CNRIP1: variants seen among roughly 807,000 people sequenced by gnomAD.
The protein encoded by CNRIP1 is cannabinoid receptor interacting protein 1.
A neutral mutation model predicts 15.2 loss-of-function variants in CNRIP1; 10 were observed. The observed-to-expected ratio is 0.66, with a 90% CI of 0.41 to 1.12. The LOEUF (loss-of-function observed/expected upper bound fraction) is 1.12. CNRIP1 is among the 50% of genes most tolerant of loss of function. CNRIP1 has a pLI of 0.00. For synonymous variants in CNRIP1, 91 were observed against 83.2 expected, an observed-to-expected ratio of 1.09 and a Z score of -0.51; for missense variants, 211 against 214.7, an observed-to-expected ratio of 0.98 and a Z score of 0.11.
At chr2:68,294,174 G>C (rs1324464589) in intron 2 of CNRIP1, 148 bp from the exon 3 acceptor site, 1 of 726,328 alleles carries the variant, frequency 1.4e-6, no homozygotes, top group Non-Finnish European at 2.2e-6. Flanking sequence ...CTTTCCTTTA[G>C]TGGTCTAGCT....
intron 2 of CNRIP1, among the ~76,000 whole-genome samples, chr2:68,315,456 TTAGACAA>T (rs1672236951): frequency 6.6e-6 from 1 of 152,100 alleles, no homozygotes. Flanking sequence ...CAAGAAAACA[TTAGACAA>T]TTGTACAGTA....
chr2:68,304,033 C>T (rs565145200), intron 2 of CNRIP1, among the ~76,000 whole-genome samples: 2 of 151,938 alleles, frequency 1.3e-5, no homozygotes, highest in South Asian at 2.1e-4. Context: ...GCCAAGATCA[C>T]ACCACTGCAC....
intron 2 of CNRIP1, among the ~76,000 whole-genome samples, chr2:68,307,530 T>C (rs998755514): frequency 6.6e-6 from 1 of 152,190 alleles, no homozygotes; most frequent in Non-Finnish European, 1.5e-5. Flanking sequence ...TTTGCTATAT[T>C]GCTCAGGCTA....
intron 2 of CNRIP1, among the ~76,000 whole-genome samples, chr2:68,300,743 C>A (rs181900209): frequency 6.6e-6 from 1 of 152,002 alleles, no homozygotes; most frequent in Non-Finnish European, 1.5e-5. Flanking sequence ...AATTGATAAA[C>A]CCCTAACAAA....
At chr2:68,313,181 T>C (rs970660326) in intron 2 of CNRIP1, among the ~76,000 whole-genome samples, 21 of 152,230 alleles carry the variant, frequency 1.4e-4, no homozygotes, top group Admixed American at 3.3e-4. Context: ...CTTTGGAATT[T>C]CCAAATTAAA....
intron 2 of CNRIP1, among the ~76,000 whole-genome samples, chr2:68,303,524 G>A (rs1171345925): frequency 1.3e-5 from 2 of 152,156 alleles, no homozygotes; most frequent in African/African-American, 4.8e-5. Context: ...TCTGGTCTTA[G>A]CAGGTTGGAT....
rs769983531 is a variant in CNRIP1 at position 68,319,226 on chromosome 2, C to T, written c.175G>A (p.Val59Ile). 1.3e-6 allele frequency: 2 copies of T among 1,545,490 alleles called. No individual in the cohort carries two copies. Among genetic ancestry groups the T allele is most frequent in the Non-Finnish European group, 8.7e-7 (1 of 1,144,306 alleles). ...CACCAGGCGCCCCGCACTCACTCGACCTGCAGCGTGCTGGGTTTAATCTTC... is the reference window on the plus strand; with the variant it reads ...CACCAGGCGCCCCGCACTCACTCGATCTGCAGCGTGCTGGGTTTAATCTTC... ...EVKIKPSTLQ[V>I]ENISIGGVLV... Residue 59 changes from valine (V) to isoleucine (I), a missense_variant, in exon 1 of 3, where the codon GTC becomes ATC. Coordinates refer to ENST00000263655, the MANE Select transcript of CNRIP1 (RefSeq NM_015463.3).
In CNRIP1 at chr2:68,319,416, T is replaced by C. The variant is rs772731307; in HGVS notation, c.-16A>G. 118 of 1,530,198 alleles carry C rather than the reference T, an allele frequency of 7.7e-5. No individual in the cohort carries two copies. In the Admixed American group the frequency reaches 1.4e-3, roughly 18 times the overall value. 94.8% of individuals were successfully genotyped at this position (1,530,198 alleles called of 1,614,324 possible). A position where few individuals can be genotyped will look rare whatever the true frequency, so the allele number is the denominator to read the frequency against. ...GGTCCCCCATGTCTGGGCGAGGGTC[T>C]GGCGCGGCGGCTCCGGGGGGCGGAG... On this transcript the variant is annotated 5_prime_UTR_variant, in exon 1 of 3. Transcript: ENST00000263655.
intron 2 of CNRIP1, among the ~76,000 whole-genome samples, chr2:68,302,001 T>A (rs569542469): frequency 3.3e-5 from 5 of 152,146 alleles, no homozygotes; most frequent in African/African-American, 1.2e-4. Flanking sequence ...AAAATTCATA[T>A]TTCATAAAGA....
rs373741117 is a variant in CNRIP1, at chr2:68,305,653, G to A, written c.330+11504C>T. 1.9e-3 allele frequency among the ~76,000 whole-genome samples: 291 copies of A among 151,890 alleles called. 1 individual carries two copies. Among genetic ancestry groups the A allele is most frequent in the Non-Finnish European group, 3.5e-3 (236 of 67,942 alleles). ...TACTAAAAATACAAAAGAATTAGCTGGGCATGGTGGCGAGCACCTGTAGTC... is the reference window on the plus strand; with the variant it reads ...TACTAAAAATACAAAAGAATTAGCTAGGCATGGTGGCGAGCACCTGTAGTC... On this transcript the variant is annotated intron_variant, in intron 2 of 2. Coordinates refer to ENST00000263655, the MANE Select transcript of CNRIP1 (RefSeq NM_015463.3).
At chr2:68,314,132 A>G (rs1030125513) in intron 2 of CNRIP1, among the ~76,000 whole-genome samples, 1 of 152,062 alleles carries the variant, frequency 6.6e-6, no homozygotes, top group African/African-American at 2.4e-5. Flanking sequence ...TTTTCATATT[A>G]GCAATTATTT....
intron 2 of CNRIP1, among the ~76,000 whole-genome samples, chr2:68,309,540 C>G (rs958270306): frequency 6.6e-6 from 1 of 152,198 alleles, no homozygotes; most frequent in Admixed American, 6.5e-5. Context: ...ACTGCAAAGG[C>G]CTTCTAATTG....
chr2:68,293,096 A>T lies in CNRIP1; in HGVS notation c.*766T>A. On this transcript the variant is annotated 3_prime_UTR_variant, in exon 3 of 3. Transcript: ENST00000263655. ...ACAAAGTTCAAGTGAAGAAGACTGTAGGGATGCCATCAATGTGCGTGTCTG... is the reference window on the plus strand; with the variant it reads ...ACAAAGTTCAAGTGAAGAAGACTGTTGGGATGCCATCAATGTGCGTGTCTG... 1.0e-6 allele frequency: 1 copy of T among 985,460 alleles called. No individual in the cohort carries two copies. Among genetic ancestry groups the T allele is most frequent in the Non-Finnish European group, 1.2e-6 (1 of 829,920 alleles). 61.0% of individuals were successfully genotyped at this position (985,460 alleles called of 1,614,324 possible). A position where few individuals can be genotyped will look rare whatever the true frequency, so the allele number is the denominator to read the frequency against.
intron 2 of CNRIP1, among the ~76,000 whole-genome samples, chr2:68,300,519 A>G (rs1671565464): frequency 6.6e-6 from 1 of 152,196 alleles, no homozygotes. Context: ...CTGGAGGCTG[A>G]GGCAGGAGAA....
At chr2:68,305,728 G>A (rs1027058851) in intron 2 of CNRIP1, among the ~76,000 whole-genome samples, 14 of 150,816 alleles carry the variant, frequency 9.3e-5, no homozygotes, top group Admixed American at 4.0e-4. Context: ...CCCGGGAGGC[G>A]GAGCTTGCAG....
Position 68,319,529 on chromosome 2 carries a change from G to T in CNRIP1, c.-129C>A. 9.9e-7 allele frequency: 1 copy of T among 1,013,162 alleles called. No individual in the cohort carries two copies. Among genetic ancestry groups the T allele is most frequent in the Non-Finnish European group, 1.4e-6 (1 of 735,088 alleles). The allele number at this position is 1,013,162 out of a possible 1,614,324, so 62.8% of individuals were successfully genotyped here. ...TGAGGGAGGTGGTGGAGCTGAGGCTGCCGCTAGGAACCCGCGCCGTCGCCG... is the reference window on the plus strand; with the variant it reads ...TGAGGGAGGTGGTGGAGCTGAGGCTTCCGCTAGGAACCCGCGCCGTCGCCG... On this transcript the variant is annotated 5_prime_UTR_variant, in exon 1 of 3. Coordinates refer to ENST00000263655, the MANE Select transcript of CNRIP1 (RefSeq NM_015463.3).
At chr2:68,289,766 C>A (rs1338995975), downstream of CNRIP1, among the ~76,000 whole-genome samples, 1 of 152,186 alleles carries the variant, frequency 6.6e-6, no homozygotes, top group African/African-American at 2.4e-5. Flanking sequence ...CAGACATGAG[C>A]CAACGTGCCC....
At chr2:68,289,219 A>T (rs1671102983), downstream of CNRIP1, among the ~76,000 whole-genome samples, 1 of 152,190 alleles carries the variant, frequency 6.6e-6, no homozygotes. Context: ...TATTCTTCAA[A>T]ACTATGTCTT....
downstream of CNRIP1, among the ~76,000 whole-genome samples, chr2:68,291,875 TCTC>T (rs1671181228): frequency 1.6e-5 from 1 of 63,308 alleles, no homozygotes; most frequent in Non-Finnish European, 2.5e-5. Context: ...TGAGACTCCA[TCTC>T]AAAAAAAAAA....
Sources: gnomAD v4.1 joint callset for allele counts (sites outside exome capture counted in the v4.1 genomes callset) on GRCh38, gnomAD v4.1.1 for gene constraint, MANE v1.5 for transcripts, NCBI Gene and HGNC (gene_info 2026-07-23, HGNC 2026-07-21) for gene names.